The following NXNL2 variants were observed in gnomAD, a reference collection of about 807,000 sequenced individuals.
The protein encoded by NXNL2 is nucleoredoxin-like protein 2.
NXNL2 carries 7 observed loss-of-function variants against 11.1 expected under a neutral mutation model. The ratio of observed to expected loss-of-function variants is 0.63; its 90% CI spans 0.36 to 1.18. The LOEUF (loss-of-function observed/expected upper bound fraction) is 1.18, where lower values mean the gene tolerates loss of function less well. Among genes scored for constraint, NXNL2 ranks in the 50% most tolerant of loss-of-function variants. The probability of loss-of-function intolerance (pLI) is 0.02; values close to 1 mark genes in which losing one functional copy is unlikely to be tolerated. For synonymous variants in NXNL2, 109 were observed against 101.8 expected (o/e 1.07, Z -0.42); for missense variants, 233 against 217.7 (o/e 1.07, Z -0.44).
At chr9:88,544,356 G>A (rs199693382) in intron 1 of NXNL2, 23 bp from the exon 2 acceptor site, 43 of 1,548,054 alleles carry the variant, frequency 2.8e-5, no homozygotes, top group Non-Finnish European at 3.6e-5. Context: ...TGCTAACTTC[G>A]GTACCACTCT....
intron 1 of NXNL2, among the ~76,000 whole-genome samples, chr9:88,550,412 G>A (rs1407727328): frequency 6.6e-6 from 1 of 152,192 alleles, no homozygotes; most frequent in East Asian, 1.9e-4. Flanking sequence ...TTATTGTGAG[G>A]TGCCAACAAG....
At chr9:88,572,530 C>T (rs558206955) in intron 2 of NXNL2, among the ~76,000 whole-genome samples, 5 of 152,166 alleles carry the variant, frequency 3.3e-5, no homozygotes, top group Non-Finnish European at 5.9e-5. Context: ...CCTTTGGAGA[C>T]GCCCTCAGAC....
At chr9:88,566,301 CT>C (rs904995048) in intron 1 of NXNL2, among the ~76,000 whole-genome samples, 58 of 145,104 alleles carry the variant, frequency 4.0e-4, no homozygotes, top group African/African-American at 6.3e-4. Context: ...GTTTTCTTTT[CT>C]TTTTTTTTTT....
At chr9:88,553,346 CAA>C (rs1386082902) in intron 1 of NXNL2, among the ~76,000 whole-genome samples, 1 of 151,594 alleles carries the variant, frequency 6.6e-6, no homozygotes, top group African/African-American at 2.4e-5. Context: ...AATTCTGTCT[CAA>C]AAAAGCCCAA....
downstream of NXNL2, among the ~76,000 whole-genome samples, chr9:88,578,047 C>T (rs542617644): frequency 2.6e-5 from 4 of 152,290 alleles, no homozygotes; most frequent in East Asian, 3.9e-4. Context: ...GAAGACTTCA[C>T]GTGAAATGAC....
At chr9:88,551,150 C>T (rs943431169) in intron 1 of NXNL2, among the ~76,000 whole-genome samples, 1 of 152,300 alleles carries the variant, frequency 6.6e-6, no homozygotes, top group Non-Finnish European at 1.5e-5. Flanking sequence ...CCTTAGCAAG[C>T]CTCTGTTTTC....
chr9:88,554,311 T>C (rs933198916), intron 1 of NXNL2, among the ~76,000 whole-genome samples: 1 of 152,350 alleles, frequency 6.6e-6, no homozygotes, highest in Admixed American at 6.5e-5. Flanking sequence ...GTTCAAGTGA[T>C]TCTCCTACCT....
rs142410633 is a variant in NXNL2, at chr9:88,535,319, C to G, written c.-116C>G. 500 of 1,096,074 alleles carry G rather than the reference C, an allele frequency of 4.6e-4. 1 individual carries two copies. In the African/African-American group the frequency reaches 7.0e-3, roughly 15 times the overall value. 67.9% of individuals were successfully genotyped at this position (1,096,074 alleles called of 1,614,324 possible). On this transcript the variant is annotated 5_prime_UTR_variant, in exon 1 of 2. Transcript: ENST00000375854. ...GCATCTGGGGCAGGTCTTGAGAGGT[C>G]CAGCGCCCGGTGGTGCGGACAGAGG...
At chr9:88,573,258 C>A (rs1233036079) in intron 2 of NXNL2, among the ~76,000 whole-genome samples, 1 of 152,106 alleles carries the variant, frequency 6.6e-6, no homozygotes, top group African/African-American at 2.4e-5. Context: ...GTCCTCCTAC[C>A]TCAGCCTCCC....
intron 1 of NXNL2, among the ~76,000 whole-genome samples, chr9:88,570,141 C>CA (rs1314226642): frequency 6.6e-6 from 1 of 151,680 alleles, no homozygotes. Context: ...ATTTTTGAGA[C>CA]AGAGTCTGGC....
intron 1 of NXNL2, among the ~76,000 whole-genome samples, chr9:88,559,016 C>CA (rs1830053322): frequency 1.3e-5 from 2 of 152,110 alleles, no homozygotes; most frequent in Admixed American, 1.3e-4. Context: ...CCATGCTGAG[C>CA]AAATAGATGT....
At chr9:88,578,630 G>T (rs564639022), downstream of NXNL2, among the ~76,000 whole-genome samples, 2 of 152,332 alleles carry the variant, frequency 1.3e-5, no homozygotes, top group East Asian at 1.9e-4. Context: ...GCCAGGAGCC[G>T]CCGGCCCGGC....
At chr9:88,563,339 T>C (rs1367635257) in intron 1 of NXNL2, among the ~76,000 whole-genome samples, 1 of 152,204 alleles carries the variant, frequency 6.6e-6, no homozygotes, top group African/African-American at 2.4e-5. Flanking sequence ...CTGTTGCTGA[T>C]TACTTTATAT....
chr9:88,547,430 C>T (rs752345180), downstream of NXNL2, among the ~76,000 whole-genome samples: 45 of 152,130 alleles, frequency 3.0e-4, no homozygotes, highest in Non-Finnish European at 5.7e-4. Flanking sequence ...ACACATATAA[C>T]CTACACACAC....
intron 1 of NXNL2, among the ~76,000 whole-genome samples, chr9:88,539,361 ACTGCTG>A (rs146160350): frequency 4.6e-5 from 7 of 151,760 alleles, no homozygotes; most frequent in African/African-American, 1.7e-4. Flanking sequence ...TAGGTGAGAT[ACTGCTG>A]CTGCTGCTGC....
intron 1 of NXNL2, among the ~76,000 whole-genome samples, chr9:88,560,367 C>T (rs1299340747): frequency 6.6e-6 from 1 of 151,864 alleles, no homozygotes; most frequent in African/African-American, 2.4e-5. Context: ...CTGACACCCC[C>T]ACAAGGAGAT....
At chr9:88,571,192 A>G in exon 2 of NXNL2, 1 of 290,974 alleles carries the variant, frequency 3.4e-6, no homozygotes, top group Admixed American at 4.8e-5. Context: ...TAGCCTCCTG[A>G]GCATCTGGGA....
downstream of NXNL2, among the ~76,000 whole-genome samples, chr9:88,546,881 A>C (rs1387123541): frequency 6.6e-6 from 1 of 152,208 alleles, no homozygotes; most frequent in African/African-American, 2.4e-5. Flanking sequence ...AACATCAGGA[A>C]AAAGATTCCA....
intron 1 of NXNL2, among the ~76,000 whole-genome samples, chr9:88,540,174 T>TA: frequency 6.6e-6 from 1 of 151,820 alleles, no homozygotes; most frequent in East Asian, 2.0e-4. Context: ...CTACTAAAAA[T>TA]ACAAAAAATT....
Sources: allele counts gnomAD v4.1 joint callset (sites outside exome capture counted in the v4.1 genomes callset), GRCh38; gene constraint gnomAD v4.1.1; transcripts MANE v1.5; gene names NCBI Gene and HGNC (gene_info 2026-07-23, HGNC 2026-07-21).